MGLL: variants seen among roughly 807,000 people sequenced by gnomAD.
MGLL encodes monoglyceride lipase.
In MGLL, 7 loss-of-function variants were observed where a neutral mutation model predicts 29.1. The observed-to-expected ratio is 0.24, with a 90% confidence interval of 0.14 to 0.45. MGLL has a LOEUF of 0.45. Ranked by LOEUF, MGLL falls within the 20% of genes least tolerant of loss-of-function variation. The pLI, the probability that MGLL is intolerant of heterozygous loss-of-function variation, is 0.99. For missense variants in MGLL, 356 were observed against 413.6 expected (o/e 0.86, Z 1.21); for synonymous variants, 148 against 168.3 (o/e 0.88, Z 0.93).
At chr3:127,811,425 A>C (rs2077660219) in intron 2 of MGLL, among the ~76,000 whole-genome samples, 1 of 152,238 alleles carries the variant, frequency 6.6e-6, no homozygotes, top group African/African-American at 2.4e-5. Context: ...GAGAGTCTAG[A>C]GCTGGTACCT....
intron 3 of MGLL, among the ~76,000 whole-genome samples, chr3:127,726,198 G>GAA (rs1282736094): frequency 8.4e-6 from 1 of 119,744 alleles, no homozygotes; most frequent in Non-Finnish European, 1.8e-5. Flanking sequence ...AGAAAAGAAA[G>GAA]AAAGAAAGAC....
At chr3:127,703,195 C>G (rs1464299840) in intron 6 of MGLL, among the ~76,000 whole-genome samples, 1 of 152,060 alleles carries the variant, frequency 6.6e-6, no homozygotes, top group East Asian at 1.9e-4. Context: ...AATGGAGGGC[C>G]CTGGAATGTG....
chr3:127,817,872 G>A (rs2077784187), intron 2 of MGLL, among the ~76,000 whole-genome samples: 2 of 152,246 alleles, frequency 1.3e-5, no homozygotes, highest in Admixed American at 1.3e-4. Flanking sequence ...TAGCTCAAGA[G>A]CCCACAAAGC....
At chr3:127,744,766 G>C (rs1009779471) in intron 3 of MGLL, among the ~76,000 whole-genome samples, 1 of 152,110 alleles carries the variant, frequency 6.6e-6, no homozygotes, top group Non-Finnish European at 1.5e-5. Context: ...CGCCGGACAC[G>C]GTTTAATAGG....
chr3:127,805,656 C>T (rs1047029920), intron 2 of MGLL, among the ~76,000 whole-genome samples: 3 of 152,194 alleles, frequency 2.0e-5, no homozygotes, highest in African/African-American at 7.2e-5. Context: ...CAATATTTTA[C>T]GAGGCATAGC....
At chr3:127,785,214 T>A (rs2077192774) in intron 2 of MGLL, among the ~76,000 whole-genome samples, 3 of 152,112 alleles carry the variant, frequency 2.0e-5, no homozygotes, top group Admixed American at 2.0e-4. Context: ...ACACACCTGC[T>A]GCAGGTGGAG....
intron 3 of MGLL, among the ~76,000 whole-genome samples, chr3:127,763,676 C>T (rs954401290): frequency 2.0e-5 from 3 of 152,224 alleles, no homozygotes; most frequent in African/African-American, 7.2e-5. Flanking sequence ...GCCCTAAGCT[C>T]GGCCACTGTG....
At chr3:127,806,424 G>A (rs2107744004) in intron 2 of MGLL, among the ~76,000 whole-genome samples, 1 of 152,318 alleles carries the variant, frequency 6.6e-6, no homozygotes, top group East Asian at 1.9e-4. Context: ...TAAATGGATG[G>A]ATGGGTGGAT....
intron 5 of MGLL, 199 bp from the exon 6 acceptor site, chr3:127,710,864 T>G: frequency 8.2e-6 from 5 of 608,810 alleles, no homozygotes; most frequent in Non-Finnish European, 1.2e-5. Context: ...AGCCTGGCTC[T>G]GCTCCACCTT....
chr3:127,730,500 C>A (rs1329128567), intron 3 of MGLL, among the ~76,000 whole-genome samples: 1 of 152,198 alleles, frequency 6.6e-6, no homozygotes, highest in Admixed American at 6.5e-5. Flanking sequence ...CTCACCCTGC[C>A]CCAGTCCTTT....
intron 3 of MGLL, among the ~76,000 whole-genome samples, 157 bp downstream of exon 3, chr3:127,781,632 T>C (rs2077127436): frequency 6.6e-6 from 1 of 152,078 alleles, no homozygotes; most frequent in Non-Finnish European, 1.5e-5. Context: ...TCGTCAGACA[T>C]TTTTTTTGTT....
intron 2 of MGLL, among the ~76,000 whole-genome samples, chr3:127,808,363 T>C (rs1342877181): frequency 2.0e-5 from 3 of 152,214 alleles, no homozygotes; most frequent in Non-Finnish European, 4.4e-5. Context: ...AGTCTTAAAA[T>C]GGTTGCCAGA....
intron 3 of MGLL, among the ~76,000 whole-genome samples, chr3:127,772,652 A>C (rs1219392118): frequency 1.3e-5 from 2 of 152,146 alleles, no homozygotes; most frequent in Non-Finnish European, 2.9e-5. Context: ...CTGGATTTGC[A>C]GGGGGGCTGT....
chr3:127,742,456 G>T (rs888686121), intron 3 of MGLL, among the ~76,000 whole-genome samples: 1 of 152,066 alleles, frequency 6.6e-6, no homozygotes, highest in African/African-American at 2.4e-5. Context: ...CAGGCTTGGT[G>T]GTGGGCACCT....
intron 3 of MGLL, chr3:127,736,106 A>T: frequency 8.5e-7 from 1 of 1,178,674 alleles, no homozygotes; most frequent in East Asian, 3.8e-5. Context: ...TGCTAGTTCC[A>T]TTGTTTGGAG....
chr3:127,695,372 T>C (rs2075339442), intron 6 of MGLL, among the ~76,000 whole-genome samples, 182 bp from the exon 7 acceptor site: 1 of 152,228 alleles, frequency 6.6e-6, no homozygotes, highest in African/African-American at 2.4e-5. Context: ...TCTGCACCAC[T>C]GGCAGTGCCT....
At chr3:127,809,237 G>A (rs949132849) in intron 2 of MGLL, among the ~76,000 whole-genome samples, 4 of 152,194 alleles carry the variant, frequency 2.6e-5, no homozygotes, top group East Asian at 3.9e-4. Context: ...CTCCAGAAAC[G>A]TCTTCTGTGT....
At chr3:127,692,826 T>G (rs952111313) in intron 7 of MGLL, among the ~76,000 whole-genome samples, 1 of 152,230 alleles carries the variant, frequency 6.6e-6, no homozygotes, top group Admixed American at 6.5e-5. Context: ...TTTCCTCTTG[T>G]GGTTCCATGG....
chr3:127,771,003 G>A (rs191917607), intron 3 of MGLL, among the ~76,000 whole-genome samples: 2 of 152,340 alleles, frequency 1.3e-5, no homozygotes, highest in African/African-American at 2.4e-5. Flanking sequence ...TCACAAGGAT[G>A]TGTGTCCAAG....
Sources: allele counts gnomAD v4.1 joint callset (sites outside exome capture counted in the v4.1 genomes callset), GRCh38; gene constraint gnomAD v4.1.1; transcripts MANE v1.5; gene names NCBI Gene and HGNC (gene_info 2026-07-23, HGNC 2026-07-21).